Variants in USH2A observed in about 807,000 individuals in gnomAD.
The protein encoded by USH2A is Usher syndrome 2A (autosomal recessive, mild).
Under a neutral mutation model 538.9 loss-of-function variants are expected in USH2A, and 443 were observed. The ratio of observed to expected loss-of-function variants is 0.82; its 90% CI spans 0.76 to 0.89. The LOEUF is 0.89. Ranked by LOEUF, USH2A falls within the 40% of genes least tolerant of loss-of-function variation. The pLI, the probability that USH2A is intolerant of heterozygous loss-of-function variation, is 0.00. For missense variants in USH2A, 6,633 were observed against 6,324.8 expected (o/e 1.05, Z -1.65); for synonymous variants, 2,413 against 2,273.5 (o/e 1.06, Z -1.75).
chr1:216,159,130 A>G (rs1233877088), intron 21 of USH2A, among the ~76,000 whole-genome samples: 1 of 152,156 alleles, frequency 6.6e-6, no homozygotes, highest in African/African-American at 2.4e-5. Context: ...AAATAATGAC[A>G]TCTACAAATA....
At chr1:216,280,030 C>A (rs2036742313) in intron 11 of USH2A, among the ~76,000 whole-genome samples, 1 of 151,788 alleles carries the variant, frequency 6.6e-6, no homozygotes, top group Non-Finnish European at 1.5e-5. Context: ...TAGATGTATG[C>A]ACTTTAGGTG....
chr1:215,657,012 G>A (rs1369534153), intron 64 of USH2A, among the ~76,000 whole-genome samples: 4 of 152,214 alleles, frequency 2.6e-5, no homozygotes, highest in Non-Finnish European at 5.9e-5. Context: ...ACATTCCCAT[G>A]AGGGGGACAA....
chr1:215,692,958 T>C lies in USH2A; in HGVS notation c.12067-12582A>G, dbSNP rs541068132. ...TCACTCTGTTGCCCGGGTTGGAGTA[T>C]TGTGGCATGATCTTGGCTCATGGCA... is the stretch of plus-strand genomic sequence containing the variant. On this transcript the variant is annotated intron_variant, in intron 61 of 71. Transcript: ENST00000307340. 1.9e-4 allele frequency among the ~76,000 whole-genome samples: 29 copies of C among 151,544 alleles called. 1 individual carries two copies. The highest frequency in any genetic ancestry group is 3.4e-4 in the Non-Finnish European group (23 of 67,898).
chr1:216,104,346 T>C (rs2032677856), intron 21 of USH2A, among the ~76,000 whole-genome samples: 1 of 152,130 alleles, frequency 6.6e-6, no homozygotes, highest in Admixed American at 6.5e-5. Flanking sequence ...GATAGTTTGC[T>C]GAGAATGATG....
At chr1:215,788,180 C>T (rs750662955) in intron 51 of USH2A, among the ~76,000 whole-genome samples, 8 of 152,050 alleles carry the variant, frequency 5.3e-5, no homozygotes, top group Non-Finnish European at 1.0e-4. Context: ...ACAGTGCATA[C>T]CTTTTTGGAA....
chr1:215,884,553 C>G (rs142575396), intron 41 of USH2A, among the ~76,000 whole-genome samples: 1 of 152,178 alleles, frequency 6.6e-6, no homozygotes, highest in Admixed American at 6.5e-5. Context: ...TAGCATCTAT[C>G]TGACACAGTT....
In USH2A at chr1:216,323,617, G is replaced by T; in HGVS notation, c.1407C>A (p.Asn469Lys). The T allele has an allele frequency of 6.2e-7, 1 of 1,613,534 alleles. No homozygotes were observed. Among genetic ancestry groups the T allele is most frequent in the Non-Finnish European group, 8.5e-7 (1 of 1,179,724 alleles). ...PGPNYRPGYN[N>K]FYNTPSLQEF... is the part of the protein sequence containing the mutation. ...CTTGAAGAGATGGGGTATTATAGAA[G>T]TTATTGTATCCAGGACGATAATTTG... The change falls in exon 8 of 72, where the codon AAC becomes AAA. Residue 469 changes from asparagine (N) to lysine (K), a missense_variant. By Grantham distance (94) the Asn-to-Lys change is moderately conservative. Transcript: ENST00000307340.
intron 21 of USH2A, among the ~76,000 whole-genome samples, chr1:216,132,917 T>G (rs1339323104): frequency 6.6e-6 from 1 of 152,108 alleles, no homozygotes; most frequent in Non-Finnish European, 1.5e-5. Context: ...TGATAAAAGC[T>G]TAATGTGTTT....
rs1213418559 is a variant in USH2A at position 216,058,135 on chromosome 1, G to GAACTATGAGGTAGAAGTTGTGATAGC, written c.6050-9489_6050-9488insGCTATCACAACTTCTACCTCATAGTT. Among the ~76,000 whole-genome samples, 315 of 150,632 alleles carry GAACTATGAGGTAGAAGTTGTGATAGC rather than the reference G, an allele frequency of 2.1e-3. 12 individuals carry two copies. Among genetic ancestry groups the GAACTATGAGGTAGAAGTTGTGATAGC allele is most frequent in the African/African-American group, 4.0e-3 (161 of 40,488 alleles). ...TCTTGAACTATGAGGTAGAAGCCTT[G>GAACTATGAGGTAGAAGTTGTGATAGC]TCCATAAGGATGACACAGCAAAAAG... is the stretch of plus-strand genomic sequence containing the variant. On this transcript the variant is annotated intron_variant, in intron 30 of 71. Transcript: ENST00000307340.
At chr1:215,817,913 GC>G (rs1455686708) in intron 47 of USH2A, among the ~76,000 whole-genome samples, 1 of 151,730 alleles carries the variant, frequency 6.6e-6, no homozygotes, top group East Asian at 1.9e-4. Context: ...AGACAGCAAG[GC>G]CAACCTTTCC....
intron 55 of USH2A, among the ~76,000 whole-genome samples, chr1:215,773,693 T>C (rs1237759994): frequency 6.6e-6 from 1 of 152,152 alleles, no homozygotes; most frequent in African/African-American, 2.4e-5. Flanking sequence ...ATAATGATGT[T>C]GCTTCCTTTT....
chr1:215,962,655 G>T (rs57056199), intron 37 of USH2A, among the ~76,000 whole-genome samples: 2 of 82,650 alleles, frequency 2.4e-5, no homozygotes, highest in Admixed American at 1.4e-4. Context: ...GTTTGTTTAT[G>T]TATACACACA....
Position 215,644,230 on chromosome 1 carries a change from A to G in USH2A, c.14791+3292T>C, listed in dbSNP as rs542229055. 4.6e-5 allele frequency among the ~76,000 whole-genome samples: 7 copies of G among 152,354 alleles called. No homozygotes were observed. In the East Asian group the frequency reaches 1.4e-3, roughly 29 times the overall value. On this transcript the variant is annotated intron_variant, in intron 67 of 71. Transcript: ENST00000307340. ...GGAGATGAAAATGGAGAAAGTGAGG[A>G]CTAAAGGAAGCATAGCTTGAAGGGG...
chr1:216,131,469 G>T lies in USH2A; in HGVS notation c.4628-34256C>A, dbSNP rs147786565. The stretch of plus-strand genomic sequence containing the variant: ...TTGATTTAAGTCCTTGATCCATCTT[G>T]AGTTGATATTTGTATAAGGTGAGAG... On this transcript the variant is annotated intron_variant, in intron 21 of 71. Transcript: ENST00000307340. Among the ~76,000 whole-genome samples, 37 of 152,106 alleles carry T rather than the reference G, an allele frequency of 2.4e-4. No individual in the cohort carries two copies. In the East Asian group the frequency reaches 6.6e-3, roughly 27 times the overall value.
Position 215,940,015 on chromosome 1 carries a change from G to A in USH2A, c.7121-5220C>T, listed in dbSNP as rs77501396. Among the ~76,000 whole-genome samples, 10 of 152,098 alleles carry A rather than the reference G, an allele frequency of 6.6e-5. No individual in the cohort carries two copies. In the East Asian group the frequency reaches 1.9e-3, roughly 29 times the overall value. Reference sequence around the variant, plus strand: ...ATTCATGTGACAAAGATTGTAACAGGAACAGAAAATGGCACAACATGAATC... The same window carrying A: ...ATTCATGTGACAAAGATTGTAACAGAAACAGAAAATGGCACAACATGAATC... On this transcript the variant is annotated intron_variant, in intron 37 of 71. Coordinates refer to ENST00000307340, the MANE Select transcript of USH2A (RefSeq NM_206933.4).
At chr1:216,188,965 T>G (rs1244646376) in intron 20 of USH2A, among the ~76,000 whole-genome samples, 1 of 151,922 alleles carries the variant, frequency 6.6e-6, no homozygotes, top group East Asian at 1.9e-4. Context: ...TTGTATCATT[T>G]AAAGGAGATA....
At chr1:216,290,895 C>A (rs1158355670) in intron 10 of USH2A, among the ~76,000 whole-genome samples, 3 of 152,128 alleles carry the variant, frequency 2.0e-5, no homozygotes, top group Non-Finnish European at 4.4e-5. Flanking sequence ...CTTGCCTACA[C>A]TCTGCTCACA....
chr1:216,050,316 C>A (rs1019582245), intron 30 of USH2A, among the ~76,000 whole-genome samples: 4 of 152,100 alleles, frequency 2.6e-5, no homozygotes, highest in African/African-American at 9.7e-5. Context: ...GTTTCCTAGT[C>A]TGTAAACAGA....
chr1:215,719,383 A>AAAAAAAAAAAT (rs397953947), intron 61 of USH2A, among the ~76,000 whole-genome samples: 1 of 148,134 alleles, frequency 6.8e-6, no homozygotes. Flanking sequence ...AAAAAAAAAA[A>AAAAAAAAAAAT]GCATGTTCTT....
Sources: gnomAD v4.1 joint callset for allele counts (sites outside exome capture counted in the v4.1 genomes callset) on GRCh38, gnomAD v4.1.1 for gene constraint, MANE v1.5 for transcripts, NCBI Gene and HGNC (gene_info 2026-07-23, HGNC 2026-07-21) for gene names.